Variants in CACNA2D3 observed in about 807,000 individuals in gnomAD.
The protein encoded by CACNA2D3 is voltage-dependent calcium channel subunit alpha-2/delta-3.
A neutral mutation model predicts 160.6 loss-of-function variants in CACNA2D3; 60 were observed. The ratio of observed to expected loss-of-function variants is 0.37; its 90% CI spans 0.30 to 0.46. The LOEUF is 0.46. Ranked by LOEUF, CACNA2D3 falls within the 20% of genes least tolerant of loss-of-function variation. The pLI is 1.00. For synonymous variants in CACNA2D3, 558 were observed against 492.9 expected, an observed-to-expected ratio of 1.13 and a Z score of -1.75; for missense variants, 1,205 against 1,365.0, an observed-to-expected ratio of 0.88 and a Z score of 1.85.
intron 11 of CACNA2D3, among the ~76,000 whole-genome samples, chr3:54,727,214 C>G (rs1701294300): frequency 6.6e-6 from 1 of 152,208 alleles, no homozygotes; most frequent in South Asian, 2.1e-4. Context: ...GAGATACCAT[C>G]TCACACCAGT....
chr3:54,837,176 C>A lies in CACNA2D3; in HGVS notation c.1416C>A (p.Gly472=). The change falls in exon 15 of 38, where the codon GGC becomes GGA. Residue 472 remains glycine, a synonymous_variant. Transcript: ENST00000474759. ...CCATCCAGCTGACTGATGATCAGGG[C>A]CCCGTCCTGATGACCACTGTAGCCA... ...PQAQKLTDDQ[G]PVLMTTVAMP... 1 of 1,613,910 alleles carries A rather than the reference C, an allele frequency of 6.2e-7. No homozygotes were observed. The highest frequency in any genetic ancestry group is 8.5e-7 in the Non-Finnish European group (1 of 1,179,844).
At chr3:55,034,997 C>G (rs1013514571) in intron 35 of CACNA2D3, among the ~76,000 whole-genome samples, 2 of 151,922 alleles carry the variant, frequency 1.3e-5, no homozygotes, top group Non-Finnish European at 2.9e-5. Flanking sequence ...TTCTCTGTTG[C>G]CTATTTTGGG....
intron 31 of CACNA2D3, among the ~76,000 whole-genome samples, chr3:54,992,337 AT>A (rs750081826): frequency 3.3e-5 from 5 of 152,196 alleles, no homozygotes; most frequent in Non-Finnish European, 7.3e-5. Context: ...ATGGAATGAT[AT>A]GTGAGTAACT....
chr3:54,462,376 G>C (rs760905977), intron 4 of CACNA2D3, among the ~76,000 whole-genome samples: 1 of 152,184 alleles, frequency 6.6e-6, no homozygotes, highest in Non-Finnish European at 1.5e-5. Context: ...ACAGTGGGGT[G>C]TTAACATCTC....
At chr3:54,802,613 A>G (rs1035090636) in intron 13 of CACNA2D3, among the ~76,000 whole-genome samples, 1 of 152,156 alleles carries the variant, frequency 6.6e-6, no homozygotes, top group Admixed American at 6.5e-5. Flanking sequence ...TGAAAATAGT[A>G]GTCCTCTGGG....
At position 54,748,936 on chromosome 3, in the gene CACNA2D3, T is replaced by C. The variant is rs78379216; in HGVS notation, c.1168-3663T>C. Among the ~76,000 whole-genome samples the C allele has an allele frequency of 4.9e-3, 750 of 152,342 alleles. 15 individuals are homozygous for C. In the East Asian group the frequency reaches 0.056, roughly 11 times the overall value. ...TGACTGTTGTTCACAGAGGTTTTGC[T>C]CTCAGTTAAATGAGCAGTAGCGTAA... On this transcript the variant is annotated intron_variant, in intron 11 of 37. Coordinates refer to ENST00000474759, the MANE Select transcript of CACNA2D3 (RefSeq NM_018398.3).
intron 14 of CACNA2D3, among the ~76,000 whole-genome samples, chr3:54,823,400 C>G (rs1392787685): frequency 6.6e-6 from 1 of 151,632 alleles, no homozygotes. Context: ...TTTTTTTTAG[C>G]TTTTACACTT....
intron 3 of CACNA2D3, among the ~76,000 whole-genome samples, chr3:54,337,001 A>G (rs1295937975): frequency 6.6e-6 from 1 of 152,198 alleles, no homozygotes; most frequent in East Asian, 1.9e-4. Flanking sequence ...GGGGCCTTGC[A>G]TGGACCAGTG....
intron 9 of CACNA2D3, among the ~76,000 whole-genome samples, chr3:54,589,194 A>G (rs1020961551): frequency 2.6e-5 from 4 of 152,144 alleles, no homozygotes; most frequent in African/African-American, 9.6e-5. Context: ...ATGGAATAGA[A>G]TAGAGAACAC....
chr3:54,848,598 CG>C (rs1698987289), intron 17 of CACNA2D3, among the ~76,000 whole-genome samples: 1 of 152,146 alleles, frequency 6.6e-6, no homozygotes, highest in Non-Finnish European at 1.5e-5. Flanking sequence ...TGATACCAAC[CG>C]TTAAGCATTA....
intron 4 of CACNA2D3, among the ~76,000 whole-genome samples, chr3:54,498,437 C>T (rs1701237988): frequency 6.6e-6 from 1 of 151,928 alleles, no homozygotes; most frequent in African/African-American, 2.4e-5. Flanking sequence ...TTTCCTCTTT[C>T]ATCCCAGATA....
At chr3:54,168,807 A>G (rs760046687) in intron 2 of CACNA2D3, among the ~76,000 whole-genome samples, 11 of 152,184 alleles carry the variant, frequency 7.2e-5, no homozygotes, top group Non-Finnish European at 1.6e-4. Flanking sequence ...AGCTCAGCCA[A>G]GCCAATTTGC....
At chr3:54,858,936 A>G (rs997863570) in intron 17 of CACNA2D3, among the ~76,000 whole-genome samples, 9 of 152,244 alleles carry the variant, frequency 5.9e-5, no homozygotes, top group Non-Finnish European at 8.8e-5. Context: ...TTAAATTGCT[A>G]TCTAATTAGC....
chr3:54,356,667 G>A (rs191420344), intron 3 of CACNA2D3, among the ~76,000 whole-genome samples: 63 of 152,274 alleles, frequency 4.1e-4, no homozygotes, highest in African/African-American at 1.3e-3. Context: ...AGCGTTCAGC[G>A]TTAAGTGTTG....
At chr3:54,731,596 G>C (rs1009311522) in intron 11 of CACNA2D3, among the ~76,000 whole-genome samples, 1 of 152,126 alleles carries the variant, frequency 6.6e-6, no homozygotes, top group African/African-American at 2.4e-5. Flanking sequence ...CTTGGCCCTA[G>C]AAGAGTCAGA....
chr3:54,868,398 C>T, intron 17 of CACNA2D3, among the ~76,000 whole-genome samples: 1 of 152,136 alleles, frequency 6.6e-6, no homozygotes, highest in Non-Finnish European at 1.5e-5. Context: ...ACTATAGAGA[C>T]TTGCTGGAAT....
At position 54,879,128 on chromosome 3, in the gene CACNA2D3, A is replaced by G. The variant is rs1699732119; in HGVS notation, c.1782+39A>G. 4 of 1,330,080 alleles carry G rather than the reference A, an allele frequency of 3.0e-6. No homozygotes were observed. In the East Asian group the frequency reaches 6.9e-5, roughly 23 times the overall value. 82.4% of individuals were successfully genotyped at this position (1,330,080 alleles called of 1,614,324 possible). ...AAACATTTTTGCTGCTTAATTTAAA[A>G]CAAACCACTGTGAAAAATTAGCTTT... On this transcript the variant is annotated intron_variant, in intron 19 of 37. Transcript: ENST00000474759.
At chr3:54,257,102 G>C (rs948114694) in intron 2 of CACNA2D3, among the ~76,000 whole-genome samples, 1 of 152,224 alleles carries the variant, frequency 6.6e-6, no homozygotes, top group African/African-American at 2.4e-5. Context: ...ACTTGCTGCA[G>C]TGACTAGTGA....
chr3:54,679,146 C>G (rs1284072919), intron 11 of CACNA2D3, among the ~76,000 whole-genome samples: 1 of 152,154 alleles, frequency 6.6e-6, no homozygotes, highest in Non-Finnish European at 1.5e-5. Flanking sequence ...CTCTGCGGTC[C>G]CATTGGTCCT....
Sources: gnomAD v4.1 joint callset for allele counts (sites outside exome capture counted in the v4.1 genomes callset) on GRCh38, gnomAD v4.1.1 for gene constraint, MANE v1.5 for transcripts, NCBI Gene and HGNC (gene_info 2026-07-23, HGNC 2026-07-21) for gene names.